The following COBL variants were observed in gnomAD, a reference collection of about 807,000 sequenced individuals.
COBL encodes cordon-bleu WH2 repeat protein, also known as protein cordon-bleu.
COBL carries 51 observed loss-of-function variants against 98.8 expected under a neutral mutation model. The observed-to-expected ratio is 0.52, with a 90% confidence interval of 0.41 to 0.65. COBL has a LOEUF of 0.65. Ranked by LOEUF, COBL falls within the 30% of genes least tolerant of loss-of-function variation. The pLI, the probability that COBL is intolerant of heterozygous loss-of-function variation, is 0.00. For missense variants in COBL, 1,617 were observed against 1,617.5 expected (o/e 1.00, Z 0.01); for synonymous variants, 634 against 651.7 (o/e 0.97, Z 0.41).
intron 5 of COBL, among the ~76,000 whole-genome samples, chr7:51,145,758 C>T (rs1427240971): frequency 1.3e-5 from 2 of 152,214 alleles, no homozygotes; most frequent in Non-Finnish European, 2.9e-5. Flanking sequence ...TTCTCACCAG[C>T]AATGAACAAG....
At chr7:51,036,556 C>T (rs1788661877) in intron 8 of COBL, among the ~76,000 whole-genome samples, 1 of 152,060 alleles carries the variant, frequency 6.6e-6, no homozygotes, top group Non-Finnish European at 1.5e-5. Flanking sequence ...CTGCACCTCT[C>T]ACTACAGGCC....
At chr7:51,206,647 A>G (rs1791751391) in intron 2 of COBL, among the ~76,000 whole-genome samples, 4 of 152,226 alleles carry the variant, frequency 2.6e-5, no homozygotes. Flanking sequence ...GGATGAATGG[A>G]TAAAGAAAAT....
chr7:51,145,635 T>A (rs913555004), intron 5 of COBL, among the ~76,000 whole-genome samples: 1 of 152,160 alleles, frequency 6.6e-6, no homozygotes, highest in African/African-American at 2.4e-5. Flanking sequence ...CACCTCGGCC[T>A]CCCAAAGTGC....
At chr7:51,110,466 T>C (rs1023814173) in intron 6 of COBL, among the ~76,000 whole-genome samples, 1 of 152,244 alleles carries the variant, frequency 6.6e-6, no homozygotes, top group Non-Finnish European at 1.5e-5. Context: ...AGCAGAATAG[T>C]ACTCTATTGT....
intron 6 of COBL, among the ~76,000 whole-genome samples, chr7:51,133,700 G>C (rs1350337100): frequency 2.0e-5 from 3 of 152,270 alleles, no homozygotes; most frequent in Non-Finnish European, 2.9e-5. Flanking sequence ...CAGTACTGTG[G>C]GAAGAGCCAT....
chr7:51,250,648 A>C (rs1375250671), intron 1 of COBL, among the ~76,000 whole-genome samples: 1 of 152,236 alleles, frequency 6.6e-6, no homozygotes, highest in African/African-American at 2.4e-5. Context: ...ATATTACTAA[A>C]ATGGTTTACG....
At chr7:51,133,921 CA>C (rs992993125) in intron 6 of COBL, among the ~76,000 whole-genome samples, 2 of 152,148 alleles carry the variant, frequency 1.3e-5, no homozygotes, top group African/African-American at 4.8e-5. Context: ...CTTGAAGAAG[CA>C]AATATTGAAT....
chr7:51,052,720 T>C (rs1280659430), intron 7 of COBL, among the ~76,000 whole-genome samples: 3 of 152,164 alleles, frequency 2.0e-5, no homozygotes, highest in African/African-American at 7.2e-5. Flanking sequence ...ATGCTTTGGG[T>C]CTATTATGAA....
At chr7:51,039,683 CA>C (rs1293495841) in intron 8 of COBL, among the ~76,000 whole-genome samples, 13 of 152,230 alleles carry the variant, frequency 8.5e-5, no homozygotes, top group Non-Finnish European at 1.8e-4. Flanking sequence ...GACAAATAGG[CA>C]AGCAAAGTAA....
intron 1 of COBL, among the ~76,000 whole-genome samples, chr7:51,223,478 TG>T (rs1187859709): frequency 6.6e-6 from 1 of 152,196 alleles, no homozygotes; most frequent in Non-Finnish European, 1.5e-5. Context: ...ATCTGTGCCC[TG>T]TAGGGCTATA....
At chr7:51,017,703 C>T in intron 12 of COBL, 135 bp from the exon 13 acceptor site, 1 of 905,516 alleles carries the variant, frequency 1.1e-6, no homozygotes, top group East Asian at 2.5e-5. Context: ...TTCCTTTGAC[C>T]TGCAGAAAGG....
chr7:51,310,587 G>C (rs918675458), intron 1 of COBL, among the ~76,000 whole-genome samples: 3 of 152,176 alleles, frequency 2.0e-5, no homozygotes, highest in African/African-American at 7.2e-5. Context: ...GGAGCACCTG[G>C]AAGACAAGAG....
intron 5 of COBL, among the ~76,000 whole-genome samples, chr7:51,137,248 T>C: frequency 6.6e-6 from 1 of 152,126 alleles, no homozygotes; most frequent in East Asian, 1.9e-4. Context: ...ACTACCTGGG[T>C]TTGATTCCTT....
At chr7:51,043,765 C>T in intron 7 of COBL, 73 bp from the exon 8 acceptor site, 2 of 1,343,126 alleles carry the variant, frequency 1.5e-6, no homozygotes, top group South Asian at 1.3e-5. Flanking sequence ...AGTGTGACAT[C>T]AGTCTGTCGG....
At chr7:51,296,359 T>C (rs1044575907) in intron 1 of COBL, among the ~76,000 whole-genome samples, 2 of 152,250 alleles carry the variant, frequency 1.3e-5, no homozygotes, top group South Asian at 2.1e-4. Flanking sequence ...GAGACAATCA[T>C]ACACATATTA....
chr7:51,148,963 G>A (rs181477894), intron 5 of COBL, among the ~76,000 whole-genome samples: 1 of 152,138 alleles, frequency 6.6e-6, no homozygotes, highest in East Asian at 1.9e-4. Context: ...AAACACTCGA[G>A]CCCACAATTC....
At chr7:51,101,011 T>C (rs1795759974) in intron 6 of COBL, among the ~76,000 whole-genome samples, 1 of 152,258 alleles carries the variant, frequency 6.6e-6, no homozygotes, top group African/African-American at 2.4e-5. Flanking sequence ...AAGATGGTTC[T>C]GGCTCACTCA....
intron 2 of COBL, among the ~76,000 whole-genome samples, chr7:51,200,141 T>C (rs1030850415): frequency 3.3e-5 from 5 of 151,976 alleles, no homozygotes; most frequent in African/African-American, 7.2e-5. Flanking sequence ...AAGAAAAAAA[T>C]GCCAAACAAG....
At chr7:51,268,153 A>C in intron 1 of COBL, among the ~76,000 whole-genome samples, 1 of 152,138 alleles carries the variant, frequency 6.6e-6, no homozygotes, top group African/African-American at 2.4e-5. Context: ...GTTCTCGCCC[A>C]CTCTCAATAA....
Sources: allele counts gnomAD v4.1 joint callset (sites outside exome capture counted in the v4.1 genomes callset), GRCh38; gene constraint gnomAD v4.1.1; transcripts MANE v1.5; gene names NCBI Gene and HGNC (gene_info 2026-07-23, HGNC 2026-07-21).